The following DNAH8 variants were observed in gnomAD, a reference collection of about 807,000 sequenced individuals.
DNAH8 encodes the protein dynein axonemal heavy chain 8.
A neutral mutation model predicts 562.1 loss-of-function variants in DNAH8; 382 were observed. The observed-to-expected ratio is 0.68, with a 90% CI of 0.63 to 0.74. The LOEUF is 0.74. Among genes scored for constraint, DNAH8 ranks in the 30% least tolerant of loss-of-function variants. The probability of loss-of-function intolerance (pLI) is 0.00; values close to 1 mark genes in which losing one functional copy is unlikely to be tolerated. For synonymous variants in DNAH8, 1,881 were observed against 1,919.4 expected (o/e 0.98, Z 0.52); for missense variants, 5,203 against 5,620.4 (o/e 0.93, Z 2.37).
chr6:38,770,316 G>A (rs950439597), intron 11 of DNAH8, 97 bp from the exon 12 acceptor site: 3 of 668,706 alleles, frequency 4.5e-6, no homozygotes, highest in South Asian at 2.6e-5. Flanking sequence ...GATTTTCACA[G>A]TTTGATCAGT....
intron 61 of DNAH8, 69 bp from the exon 62 acceptor site, chr6:38,899,707 C>T (rs1362319244): frequency 4.5e-6 from 7 of 1,554,570 alleles, no homozygotes; most frequent in Admixed American, 3.4e-5. Flanking sequence ...AACTTGGGCT[C>T]ATTTAGTGCA....
At chr6:38,741,300 G>A (rs1350031596) in intron 7 of DNAH8, among the ~76,000 whole-genome samples, 1 of 152,042 alleles carries the variant, frequency 6.6e-6, no homozygotes, top group African/African-American at 2.4e-5. Context: ...CTACTCAGTA[G>A]GATGAGGCGG....
chr6:38,939,301 A>G (rs1471112026), intron 79 of DNAH8, among the ~76,000 whole-genome samples: 2 of 152,190 alleles, frequency 1.3e-5, no homozygotes, highest in African/African-American at 4.8e-5. Flanking sequence ...CAGGACAGCC[A>G]TTCCCTCAGC....
intron 19 of DNAH8, 72 bp downstream of exon 19, chr6:38,789,955 AT>A: frequency 1.7e-6 from 2 of 1,148,872 alleles, no homozygotes; most frequent in South Asian, 1.3e-5. Context: ...TAAACTATGG[AT>A]TTTGGAACAT....
intron 9 of DNAH8, among the ~76,000 whole-genome samples, chr6:38,754,971 A>G (rs899403258): frequency 1.3e-5 from 2 of 152,042 alleles, no homozygotes; most frequent in Non-Finnish European, 2.9e-5. Context: ...TGCCATTCGT[A>G]TGAATTCAGA....
Position 38,917,975 on chromosome 6 carries a change from C to T in DNAH8, c.10359C>T (p.Asp3453=), listed in dbSNP as rs1375287314. The change falls in exon 70 of 93, where the codon GAC becomes GAT. Residue 3453 remains aspartate (D), a synonymous_variant. Transcript: ENST00000327475. ...GGAGCCTTCAGCAGTTCCCTAAGGA[C>T]ACTATAAATGAAGAGACTGTTGAGT... The part of the protein sequence containing the change: ...FLWSLQQFPK[D]TINEETVELL... 4.3e-6 allele frequency: 7 copies of T among 1,613,718 alleles called. No individual in the cohort carries two copies. The highest frequency in any genetic ancestry group is 5.9e-6 in the Non-Finnish European group (7 of 1,179,810).
chr6:38,846,711 G>A (rs758290984), intron 36 of DNAH8, among the ~76,000 whole-genome samples: 18 of 152,252 alleles, frequency 1.2e-4, no homozygotes, highest in Middle Eastern at 3.4e-3. Context: ...CTGCCCTATG[G>A]TTCATTGCAA....
chr6:38,809,885 T>A (rs534824548), intron 24 of DNAH8, among the ~76,000 whole-genome samples: 1 of 152,326 alleles, frequency 6.6e-6, no homozygotes, highest in Admixed American at 6.5e-5. Flanking sequence ...TCCTTTTATT[T>A]TTATTTGGCA....
chr6:38,877,153 T>G (rs1778082233), intron 53 of DNAH8, among the ~76,000 whole-genome samples: 2 of 152,212 alleles, frequency 1.3e-5, no homozygotes, highest in Non-Finnish European at 2.9e-5. Flanking sequence ...CTGAGTGCCT[T>G]GTCCTTATTC....
chr6:38,901,763 C>T (rs889608393), intron 62 of DNAH8, among the ~76,000 whole-genome samples: 13 of 151,794 alleles, frequency 8.6e-5, no homozygotes, highest in African/African-American at 2.7e-4. Context: ...AAAAATTGAA[C>T]AAAATACAAT....
chr6:38,750,620 C>A, intron 9 of DNAH8, 31 bp downstream of exon 9: 2 of 1,390,758 alleles, frequency 1.4e-6, no homozygotes, highest in Non-Finnish European at 2.0e-6. Flanking sequence ...CAATTTTAAA[C>A]TGAGGGCAGT....
chr6:38,845,850 A>C, intron 36 of DNAH8, 77 bp downstream of exon 36: 1 of 1,243,044 alleles, frequency 8.0e-7, no homozygotes, highest in Non-Finnish European at 1.2e-6. Context: ...CTCAGTTTTA[A>C]AGCTCTTTCA....
At chr6:38,845,346 A>C (rs1256548541) in intron 35 of DNAH8, among the ~76,000 whole-genome samples, 1 of 152,214 alleles carries the variant, frequency 6.6e-6, no homozygotes, top group African/African-American at 2.4e-5. Context: ...TGTTTCATGT[A>C]TGTGGTACAG....
At chr6:38,813,799 G>A (rs1772009597) in intron 24 of DNAH8, among the ~76,000 whole-genome samples, 1 of 152,180 alleles carries the variant, frequency 6.6e-6, no homozygotes, top group African/African-American at 2.4e-5. Flanking sequence ...CATTGTTAAA[G>A]GTTATTACTG....
At position 38,732,074 on chromosome 6, in the gene DNAH8, G is replaced by T. The variant is rs144691410; in HGVS notation, c.610+2088G>T. Among the ~76,000 whole-genome samples the T allele has an allele frequency of 2.7e-4, 41 of 152,300 alleles. 1 individual carries two copies. The highest frequency in any genetic ancestry group is 6.8e-3 in the Middle Eastern group (2 of 294). ...TAAATGCTTATTATCAGTTAAAAAT[G>T]TGGTTATATAATACATTTTATTCTT... On this transcript the variant is annotated intron_variant, in intron 4 of 92. Transcript: ENST00000327475.
intron 24 of DNAH8, among the ~76,000 whole-genome samples, chr6:38,813,775 A>T (rs1171904212): frequency 6.6e-6 from 1 of 152,222 alleles, no homozygotes; most frequent in African/African-American, 2.4e-5. Context: ...GGAACAAAGA[A>T]TGCCTTTAGT....
At chr6:38,757,834 A>G (rs1359196974) in intron 10 of DNAH8, among the ~76,000 whole-genome samples, 3 of 152,022 alleles carry the variant, frequency 2.0e-5, no homozygotes, top group Non-Finnish European at 4.4e-5. Context: ...ATAGTTGTAG[A>G]TATGCGGCAT....
chr6:38,722,358 G>T (rs999402543), intron 1 of DNAH8, among the ~76,000 whole-genome samples: 1 of 152,048 alleles, frequency 6.6e-6, no homozygotes, highest in Non-Finnish European at 1.5e-5. Context: ...TTCTTTGCTT[G>T]GTCTCTTGCA....
chr6:38,929,468 A>G (rs780645853), intron 74 of DNAH8, 43 bp from the exon 75 acceptor site: 1 of 1,503,654 alleles, frequency 6.7e-7, no homozygotes, highest in Non-Finnish European at 8.9e-7. Flanking sequence ...CAATGGGCAC[A>G]TTCTTTGTAA....
Sources: gnomAD v4.1 joint callset for allele counts (sites outside exome capture counted in the v4.1 genomes callset) on GRCh38, gnomAD v4.1.1 for gene constraint, MANE v1.5 for transcripts, NCBI Gene and HGNC (gene_info 2026-07-23, HGNC 2026-07-21) for gene names.